The following GUCY1B1 variants were observed in gnomAD, a reference collection of about 807,000 sequenced individuals.
The protein encoded by GUCY1B1 is guanylate cyclase soluble subunit beta-1.
A neutral mutation model predicts 71.0 loss-of-function variants in GUCY1B1; 43 were observed. That is an observed-to-expected ratio of 0.61 (90% CI 0.47 to 0.78). GUCY1B1 has a LOEUF of 0.78. Ranked by LOEUF, GUCY1B1 falls within the 30% of genes least tolerant of loss-of-function variation. The pLI is 0.00. For missense variants in GUCY1B1, 535 were observed against 754.1 expected (o/e 0.71, Z 3.40); for synonymous variants, 266 against 259.7 (o/e 1.02, Z -0.23).
At chr4:155,795,492 G>A (rs777482760) in intron 7 of GUCY1B1, 35 bp downstream of exon 7, 22 of 999,084 alleles carry the variant, frequency 2.2e-5, no homozygotes, top group Non-Finnish European at 2.7e-5. Flanking sequence ...ATGTGAGAAA[G>A]GTATGTCACA....
At chr4:155,791,936 G>A (rs1015817023) in intron 5 of GUCY1B1, among the ~76,000 whole-genome samples, 4 of 151,984 alleles carry the variant, frequency 2.6e-5, no homozygotes, top group Non-Finnish European at 5.9e-5. Context: ...CTATTACTGT[G>A]GTATTAGAAT....
chr4:155,760,100 G>T (rs1377086699), intron 2 of GUCY1B1, among the ~76,000 whole-genome samples: 1 of 152,172 alleles, frequency 6.6e-6, no homozygotes, highest in Admixed American at 6.5e-5. Context: ...AGCCCCTAGG[G>T]GTCACCACGG....
intron 2 of GUCY1B1, among the ~76,000 whole-genome samples, chr4:155,762,942 T>A (rs950885063): frequency 1.3e-5 from 2 of 152,196 alleles, no homozygotes; most frequent in Admixed American, 6.5e-5. Context: ...AAGAGACCTC[T>A]GAATCCATTT....
intron 4 of GUCY1B1, among the ~76,000 whole-genome samples, chr4:155,782,578 A>G (rs1738509625): frequency 6.6e-6 from 1 of 152,190 alleles, no homozygotes; most frequent in Non-Finnish European, 1.5e-5. Context: ...TATTTTCCCT[A>G]AATTACTGCA....
intron 4 of GUCY1B1, among the ~76,000 whole-genome samples, chr4:155,780,460 ACT>A (rs931090979): frequency 3.3e-5 from 5 of 151,980 alleles, no homozygotes; most frequent in African/African-American, 4.8e-5. Flanking sequence ...TTCATAGGAC[ACT>A]CTATTTCCCC....
In GUCY1B1 at chr4:155,769,152, A is replaced by T. The variant is rs758737665; in HGVS notation, c.78-5816A>T. On this transcript the variant is annotated intron_variant, in intron 2 of 13. Coordinates refer to ENST00000264424, the MANE Select transcript of GUCY1B1 (RefSeq NM_000857.5). ...AAGTACTACCCTGAGATTTTTGCAT[A>T]GGTTAATTCTGCTAACCAACACAAT... 2.0e-5 allele frequency among the ~76,000 whole-genome samples: 3 copies of T among 152,074 alleles called. No individual in the cohort carries two copies. The South Asian group carries it at 6.2e-4, about 32-fold the overall frequency.
chr4:155,797,186 G>A (rs1739613953), intron 8 of GUCY1B1, among the ~76,000 whole-genome samples: 1 of 152,004 alleles, frequency 6.6e-6, no homozygotes, highest in East Asian at 1.9e-4. Flanking sequence ...ATAACTGTGG[G>A]GATTATTGTG....
chr4:155,793,573 C>T (rs1739330144), intron 5 of GUCY1B1, among the ~76,000 whole-genome samples: 1 of 151,998 alleles, frequency 6.6e-6, no homozygotes, highest in African/African-American at 2.4e-5. Context: ...AGGCAGAGCC[C>T]ACAAGTGCTT....
chr4:155,783,818 C>A (rs1229701333), intron 4 of GUCY1B1, among the ~76,000 whole-genome samples: 1 of 152,172 alleles, frequency 6.6e-6, no homozygotes, highest in Non-Finnish European at 1.5e-5. Context: ...GAGCACCATT[C>A]ACTTTATTTT....
Position 155,796,536 on chromosome 4 carries a change from T to C in GUCY1B1, c.977+26T>C, listed in dbSNP as rs185629730. The C allele has an allele frequency of 2.0e-5, 30 of 1,507,700 alleles. No individual in the cohort carries two copies. In the African/African-American group the frequency reaches 3.8e-4, roughly 19 times the overall value. The allele number at this position is 1,507,700 out of a possible 1,614,324, so 93.4% of individuals were successfully genotyped here. A position where few individuals can be genotyped will look rare whatever the true frequency, so the allele number is the denominator to read the frequency against. On this transcript the variant is annotated intron_variant, in intron 8 of 13. Coordinates refer to ENST00000264424, the MANE Select transcript of GUCY1B1 (RefSeq NM_000857.5). ...GTAATCATTTTTAGATTAATTATAG[T>C]GGCTATCAGTACCTATCTTTAGCTA... is the stretch of plus-strand genomic sequence containing the variant.
At chr4:155,791,629 G>A (rs1432946380) in intron 5 of GUCY1B1, among the ~76,000 whole-genome samples, 1 of 150,984 alleles carries the variant, frequency 6.6e-6, no homozygotes. Flanking sequence ...TACTCGGGAG[G>A]CTGAGGCAGA....
chr4:155,764,170 A>G (rs1487183892), intron 2 of GUCY1B1, among the ~76,000 whole-genome samples: 2 of 152,162 alleles, frequency 1.3e-5, no homozygotes, highest in South Asian at 2.1e-4. Flanking sequence ...TCAGATTTTC[A>G]TATTTTTGAA....
chr4:155,771,356 C>T (rs6848972), intron 2 of GUCY1B1, among the ~76,000 whole-genome samples: 1,818 of 152,136 alleles, frequency 0.012, 35 homozygotes, highest in African/African-American at 0.041. Context: ...ATGCATTGAC[C>T]CATGGTTAGG....
chr4:155,760,378 A>T (rs1736911725), intron 2 of GUCY1B1, among the ~76,000 whole-genome samples: 1 of 152,208 alleles, frequency 6.6e-6, no homozygotes, highest in Non-Finnish European at 1.5e-5. Flanking sequence ...ATTTTTAAAT[A>T]AAGTGAAAAT....
rs1740015194 is a variant in GUCY1B1 at position 155,802,379 on chromosome 4, G to A, written c.1213G>A (p.Glu405Lys). 4.3e-6 allele frequency: 7 copies of A among 1,613,646 alleles called. No homozygotes were observed. The highest frequency in any genetic ancestry group is 3.3e-5 in the South Asian group (3 of 91,070). Residue 405 changes from glutamate to lysine, a missense_variant, in exon 10 of 14, where the codon GAG (glutamate) becomes AAG (lysine). Transcript: ENST00000264424. This position sits in a 1 kb window ranked among gnomAD's most constrained non-coding sequence, Gnocchi z 4.3. Reference protein sequence around the residue: ...YSVLPPSVANELRHKRPVPAK... With the variant: ...YSVLPPSVANKLRHKRPVPAK... ...TGTCCTTCCTCCGTCTGTTGCCAAT[G>A]AGCTGCGGCACAAGCGTCCAGTGCC...
chr4:155,793,602 A>C (rs528971283), intron 5 of GUCY1B1, among the ~76,000 whole-genome samples: 1 of 152,132 alleles, frequency 6.6e-6, no homozygotes, highest in African/African-American at 2.4e-5. Context: ...TAATTCTACC[A>C]AAGAGACCAT....
At chr4:155,792,376 G>A (rs1243797647) in intron 5 of GUCY1B1, among the ~76,000 whole-genome samples, 1 of 152,122 alleles carries the variant, frequency 6.6e-6, no homozygotes, top group Non-Finnish European at 1.5e-5. Flanking sequence ...TAGAAACAGA[G>A]TAGAACATCA....
chr4:155,800,024 G>A lies in GUCY1B1; in HGVS notation c.1125G>A (p.Arg375=), dbSNP rs1249603954. Residue 375 remains arginine, a synonymous_variant, in exon 9 of 14, where the codon AGG becomes AGA. Coordinates refer to ENST00000264424, the MANE Select transcript of GUCY1B1 (RefSeq NM_000857.5). The part of the protein sequence containing the change: ...LTQELEILTD[R]LQLTLRALED... ...AAGAACTGGAAATCCTCACTGACAGGCTACAGCTCACGTTAAGAGCCCTGG... is the reference window on the plus strand; with the variant it reads ...AAGAACTGGAAATCCTCACTGACAGACTACAGCTCACGTTAAGAGCCCTGG... The A allele has an allele frequency of 6.2e-7, 1 of 1,613,650 alleles. No homozygotes were observed. Among genetic ancestry groups the A allele is most frequent in the Non-Finnish European group, 8.5e-7 (1 of 1,179,678 alleles).
chr4:155,784,202 T>C (rs1390378885), intron 4 of GUCY1B1, among the ~76,000 whole-genome samples: 1 of 152,162 alleles, frequency 6.6e-6, no homozygotes, highest in Non-Finnish European at 1.5e-5. Context: ...TGGTACAGTT[T>C]CTTTTTAAAT....
Sources: allele counts gnomAD v4.1 joint callset (sites outside exome capture counted in the v4.1 genomes callset), GRCh38; gene constraint gnomAD v4.1.1; non-coding constraint Gnocchi (gnomAD v3.1); transcripts MANE v1.5; gene names NCBI Gene and HGNC (gene_info 2026-07-23, HGNC 2026-07-21).